BNC2: variants seen among roughly 807,000 people sequenced by gnomAD.
The protein encoded by BNC2 is zinc finger protein basonuclin-2.
A neutral mutation model predicts 76.3 loss-of-function variants in BNC2; 20 were observed. The observed-to-expected ratio is 0.26, with a 90% CI of 0.18 to 0.38. BNC2 has a LOEUF of 0.38. BNC2 is among the 10% of genes least tolerant of loss of function. BNC2 has a pLI of 1.00. For missense variants in BNC2, 1,382 were observed against 1,399.8 expected, an observed-to-expected ratio of 0.99 and a Z score of 0.20; for synonymous variants, 582 against 514.8, an observed-to-expected ratio of 1.13 and a Z score of -1.77.
chr9:16,654,118 A>G (rs567468301), intron 3 of BNC2, among the ~76,000 whole-genome samples: 1 of 152,328 alleles, frequency 6.6e-6, no homozygotes, highest in Admixed American at 6.5e-5. Flanking sequence ...TGCTGTAATT[A>G]TAGCAAAAAT....
chr9:16,738,218 T>C lies in BNC2; in HGVS notation c.129+142A>G. 8.8e-6 allele frequency: 8 copies of C among 908,872 alleles called. No homozygotes were observed. In the South Asian group the frequency reaches 1.2e-4, roughly 14 times the overall value. 56.3% of individuals were successfully genotyped at this position (908,872 alleles called of 1,614,324 possible). A position where few individuals can be genotyped will look rare whatever the true frequency, so the allele number is the denominator to read the frequency against. On this transcript the variant is annotated intron_variant, in intron 2 of 6. Transcript: ENST00000380672. The stretch of plus-strand genomic sequence containing the variant: ...AAGTGTTAGGAAGCAAATAAATACC[T>C]GAGTTTCATAGAATGAGGATAAGTA...
At chr9:16,838,940 T>C (rs374456618) in intron 1 of BNC2, among the ~76,000 whole-genome samples, 1 of 152,242 alleles carries the variant, frequency 6.6e-6, no homozygotes, top group Non-Finnish European at 1.5e-5. Flanking sequence ...TTGGTCTATG[T>C]GTGCCACAAA....
intron 1 of BNC2, among the ~76,000 whole-genome samples, chr9:16,826,331 T>C (rs1297855148): frequency 1.3e-5 from 2 of 150,944 alleles, no homozygotes; most frequent in Non-Finnish European, 2.9e-5. Context: ...TCTAAGTAAC[T>C]AGAAGGTTTT....
intron 1 of BNC2, among the ~76,000 whole-genome samples, chr9:16,837,554 G>C (rs779940243): frequency 1.3e-5 from 2 of 152,140 alleles, no homozygotes; most frequent in Non-Finnish European, 2.9e-5. Context: ...GGAAGTCCTT[G>C]GTAGACTGCC....
intron 3 of BNC2, among the ~76,000 whole-genome samples, chr9:16,677,256 CA>C (rs1822670819): frequency 6.6e-6 from 1 of 152,106 alleles, no homozygotes; most frequent in Non-Finnish European, 1.5e-5. Context: ...TACTATCCAT[CA>C]ATTAAAATAA....
At chr9:16,443,257 G>C (rs1311395003) in intron 5 of BNC2, among the ~76,000 whole-genome samples, 2 of 151,824 alleles carry the variant, frequency 1.3e-5, no homozygotes, top group Non-Finnish European at 2.9e-5. Context: ...TGTAGGGACT[G>C]CTGACTACCT....
chr9:16,647,620 A>G (rs1047600636), intron 3 of BNC2, among the ~76,000 whole-genome samples: 4 of 152,174 alleles, frequency 2.6e-5, no homozygotes, highest in African/African-American at 9.6e-5. Flanking sequence ...TGCAACCATG[A>G]TGAGATTTTT....
At chr9:16,568,233 G>A (rs577379107) in intron 4 of BNC2, among the ~76,000 whole-genome samples, 1 of 152,074 alleles carries the variant, frequency 6.6e-6, no homozygotes, top group Non-Finnish European at 1.5e-5. Flanking sequence ...CGTCTTTAGG[G>A]ATTGTTTTTA....
chr9:16,425,457 T>C (rs1820786484), intron 6 of BNC2, among the ~76,000 whole-genome samples: 1 of 152,176 alleles, frequency 6.6e-6, no homozygotes, highest in South Asian at 2.1e-4. Context: ...ATTGACAGTC[T>C]CATCTTGTCA....
In BNC2 at chr9:16,738,406, G is replaced by C. The variant is rs542363188; in HGVS notation, c.83C>G (p.Ala28Gly). Residue 28 changes from alanine (A) to glycine (G), a missense_variant, in exon 2 of 7, where the codon GCA (alanine) becomes GGA (glycine). Coordinates refer to ENST00000380672, the MANE Select transcript of BNC2 (RefSeq NM_017637.6). Reference protein sequence around the residue: ...EDRLSEQDWPAYFKVPCCGVD... With the variant: ...EDRLSEQDWPGYFKVPCCGVD... ...CCCACAACATGGGACCTTGAAATAT[G>C]CTGGCCAGTCTTGCTCACTAAGCCT... The C allele has an allele frequency of 2.5e-6, 4 of 1,614,062 alleles. No homozygotes were observed. The South Asian group carries it at 4.4e-5, about 18-fold the overall frequency.
chr9:16,441,602 G>A (rs1418088979), intron 5 of BNC2, among the ~76,000 whole-genome samples: 1 of 152,124 alleles, frequency 6.6e-6, no homozygotes. Flanking sequence ...TGAAGGTAAC[G>A]ACCTCTATGC....
At chr9:16,693,729 A>C (rs1313595843) in intron 3 of BNC2, among the ~76,000 whole-genome samples, 1 of 152,258 alleles carries the variant, frequency 6.6e-6, no homozygotes, top group Non-Finnish European at 1.5e-5. Flanking sequence ...TCACTCTGTA[A>C]AGAAAAGAAA....
At chr9:16,826,461 CTATT>C (rs1433722952) in intron 1 of BNC2, among the ~76,000 whole-genome samples, 1 of 152,128 alleles carries the variant, frequency 6.6e-6, no homozygotes, top group Non-Finnish European at 1.5e-5. Context: ...CGGAGGTCCA[CTATT>C]TATTTAGCTC....
intron 5 of BNC2, among the ~76,000 whole-genome samples, chr9:16,485,534 T>C (rs1425273731): frequency 1.3e-5 from 2 of 152,236 alleles, no homozygotes; most frequent in African/African-American, 4.8e-5. Context: ...AGGGATCATA[T>C]AGGCTCTGTC....
At chr9:16,525,539 T>C (rs1817773142) in intron 5 of BNC2, among the ~76,000 whole-genome samples, 2 of 152,174 alleles carry the variant, frequency 1.3e-5, no homozygotes, top group African/African-American at 4.8e-5. Context: ...ATAAAAGCAA[T>C]GTACTACCAT....
chr9:16,677,399 T>TC (rs1822676832), intron 3 of BNC2, among the ~76,000 whole-genome samples: 1 of 151,982 alleles, frequency 6.6e-6, no homozygotes, highest in South Asian at 2.1e-4. Context: ...ATGGTGAAAC[T>TC]CCATCTCTAC....
intron 5 of BNC2, among the ~76,000 whole-genome samples, chr9:16,519,142 A>G (rs991569781): frequency 6.6e-6 from 1 of 152,192 alleles, no homozygotes; most frequent in Admixed American, 6.5e-5. Context: ...AGCTGTCATT[A>G]AAATATAACC....
At chr9:16,531,287 C>T (rs948337585) in intron 5 of BNC2, among the ~76,000 whole-genome samples, 1 of 152,022 alleles carries the variant, frequency 6.6e-6, no homozygotes, top group Non-Finnish European at 1.5e-5. Context: ...AGGCTTTTCC[C>T]TCCTCTGGGT....
chr9:16,844,480 A>G (rs1249005825), intron 1 of BNC2, among the ~76,000 whole-genome samples: 1 of 146,088 alleles, frequency 6.8e-6, no homozygotes, highest in South Asian at 2.1e-4. Flanking sequence ...ATTTTTACGA[A>G]TATTTTTCTT....
Sources: gnomAD v4.1 joint callset for allele counts (sites outside exome capture counted in the v4.1 genomes callset) on GRCh38, gnomAD v4.1.1 for gene constraint, MANE v1.5 for transcripts, NCBI Gene and HGNC (gene_info 2026-07-23, HGNC 2026-07-21) for gene names.